The following MGST1 variants were observed in gnomAD, a reference collection of about 807,000 sequenced individuals.
MGST1 encodes microsomal glutathione S-transferase 1, also known as glutathione S-transferase 12.
A neutral mutation model predicts 8.9 loss-of-function variants in MGST1; 5 were observed. The observed-to-expected ratio is 0.56, with a 90% CI of 0.29 to 1.19. The LOEUF is 1.19. Ranked by LOEUF, MGST1 falls within the 50% of genes most tolerant of loss-of-function variation. MGST1 has a pLI of 0.08. For missense variants in MGST1, 182 were observed against 187.4 expected (o/e 0.97, Z 0.17); for synonymous variants, 54 against 67.8 (o/e 0.80, Z 1.00).
downstream of MGST1, among the ~76,000 whole-genome samples, chr12:16,441,559 G>T (rs529710195): frequency 6.6e-6 from 1 of 151,886 alleles, no homozygotes; most frequent in Non-Finnish European, 1.5e-5. Context: ...GTTTTTCCAG[G>T]ATGTTATATA....
intron 4 of MGST1, among the ~76,000 whole-genome samples, chr12:16,512,202 C>T (rs1009360106): frequency 2.0e-5 from 3 of 152,026 alleles, no homozygotes; most frequent in Non-Finnish European, 2.9e-5. Context: ...GACATATACA[C>T]TGAGAGCACA....
Position 16,400,912 on chromosome 12 carries a change from T to C in MGST1, n.778+17308T>C, listed in dbSNP as rs16911917. 1,976 of 1,259,018 alleles carry C rather than the reference T, an allele frequency of 1.6e-3. 27 individuals carry two copies. In the East Asian group the frequency reaches 0.036, roughly 23 times the overall value. The allele number at this position is 1,259,018 out of a possible 1,614,324, so 78.0% of individuals were successfully genotyped here. On this transcript the variant is annotated intron_variant and non_coding_transcript_variant, in intron 1 of 1. Transcript: ENST00000359720. ...TATAGGACACATTAGATTTGTGAGC[T>C]TTCTGAATCTCCTGTTCTCCCTTTT...
chr12:16,585,735 A>ATGGG lies in MGST1; in HGVS notation n.483-3790_483-3787dup, dbSNP rs1943298361. ...CAAATATAATAATAGAAAGGAAAATATGGGTGAGAAATTACAAAAGGCTGG... is the reference window on the plus strand; with the variant it reads ...CAAATATAATAATAGAAAGGAAAATATGGGTGGGTGAGAAATTACAAAAGGCTGG... On this transcript the variant is annotated intron_variant and non_coding_transcript_variant, in intron 4 of 4. Transcript: ENST00000538857. The surrounding 1 kb of genome is among the most constrained non-coding windows in gnomAD (Gnocchi z 4.7). Among the ~76,000 whole-genome samples, 1 of 152,228 alleles carries ATGGG rather than the reference A, an allele frequency of 6.6e-6. No homozygotes were observed. Among genetic ancestry groups the ATGGG allele is most frequent in the African/African-American group, 2.4e-5 (1 of 41,462 alleles).
chr12:16,348,115 G>A (rs1390251951), intron 1 of MGST1, among the ~76,000 whole-genome samples: 2 of 152,174 alleles, frequency 1.3e-5, no homozygotes, highest in Non-Finnish European at 2.9e-5. Flanking sequence ...AAAAGCCTGC[G>A]ATGTCTCAGG....
intron 4 of MGST1, among the ~76,000 whole-genome samples, chr12:16,528,150 T>G (rs1319982157): frequency 6.6e-6 from 1 of 152,098 alleles, no homozygotes; most frequent in South Asian, 2.1e-4. Flanking sequence ...TTCCAAATCG[T>G]TTTGGCTTGT....
At chr12:16,359,697 C>A (rs1939899451) in intron 3 of MGST1, among the ~76,000 whole-genome samples, 1 of 152,184 alleles carries the variant, frequency 6.6e-6, no homozygotes, top group Non-Finnish European at 1.5e-5. Context: ...CCTTTATGCA[C>A]TTCCCCTTTT....
intron 4 of MGST1, among the ~76,000 whole-genome samples, chr12:16,528,388 A>C: frequency 6.6e-6 from 1 of 152,024 alleles, no homozygotes; most frequent in East Asian, 1.9e-4. Context: ...TGAATATAAA[A>C]GTAAACATTG....
intron 1 of MGST1, among the ~76,000 whole-genome samples, chr12:16,406,529 CAAT>C (rs1360941355): frequency 6.6e-6 from 1 of 152,116 alleles, no homozygotes; most frequent in African/African-American, 2.4e-5. Context: ...ATCAAACTAT[CAAT>C]AATATTTTTT....
At chr12:16,539,142 C>T (rs1821558041) in intron 4 of MGST1, among the ~76,000 whole-genome samples, 1 of 152,160 alleles carries the variant, frequency 6.6e-6, no homozygotes, top group Non-Finnish European at 1.5e-5. Flanking sequence ...CAAACCATAT[C>T]AGACAACTTT....
chr12:16,580,949 A>G (rs2137534641), intron 4 of MGST1, among the ~76,000 whole-genome samples: 1 of 152,332 alleles, frequency 6.6e-6, no homozygotes, highest in East Asian at 1.9e-4. Flanking sequence ...TATATACAAC[A>G]CAGACATTCA....
At chr12:16,499,290 G>T (rs1204173907) in intron 4 of MGST1, among the ~76,000 whole-genome samples, 1 of 152,186 alleles carries the variant, frequency 6.6e-6, no homozygotes, top group Non-Finnish European at 1.5e-5. Context: ...AGGATGAAGT[G>T]ACAGGTATTC....
chr12:16,492,293 A>G (rs1380907164), intron 4 of MGST1, among the ~76,000 whole-genome samples: 2 of 152,186 alleles, frequency 1.3e-5, no homozygotes, highest in East Asian at 3.8e-4. Flanking sequence ...GTAGCATTAA[A>G]GTCACCATGT....
At chr12:16,408,630 T>C (rs1475066430) in intron 1 of MGST1, among the ~76,000 whole-genome samples, 3 of 152,196 alleles carry the variant, frequency 2.0e-5, no homozygotes, top group Admixed American at 6.5e-5. Flanking sequence ...GAAATTTTTA[T>C]CCTATTTTAC....
intron 4 of MGST1, among the ~76,000 whole-genome samples, chr12:16,507,750 C>T (rs911186732): frequency 6.6e-5 from 10 of 151,892 alleles, no homozygotes; most frequent in Non-Finnish European, 1.3e-4. Context: ...AACCAGATCT[C>T]GTGAGAACTC....
chr12:16,479,526 G>T (rs990317801), intron 4 of MGST1, among the ~76,000 whole-genome samples: 1 of 129,234 alleles, frequency 7.7e-6, no homozygotes, highest in African/African-American at 3.3e-5. Flanking sequence ...GAGCCACTGC[G>T]CCCGGCCTCT....
chr12:16,400,828 A>G, intron 1 of MGST1: 1 of 1,219,126 alleles, frequency 8.2e-7, no homozygotes, highest in African/African-American at 1.5e-5. Context: ...CATATTTCTT[A>G]TCGATGTAGA....
At chr12:16,591,028 C>T (rs1050768693), downstream of MGST1, among the ~76,000 whole-genome samples, 1 of 152,036 alleles carries the variant, frequency 6.6e-6, no homozygotes, top group African/African-American at 2.4e-5. This position sits in a 1 kb window ranked among gnomAD's most constrained non-coding sequence, Gnocchi z 4.1. Flanking sequence ...ATTGATTTCA[C>T]AACTGCCTCA....
At chr12:16,496,340 A>G (rs1300092817) in intron 4 of MGST1, among the ~76,000 whole-genome samples, 1 of 152,138 alleles carries the variant, frequency 6.6e-6, no homozygotes, top group Non-Finnish European at 1.5e-5. Flanking sequence ...TAGTGGAGCC[A>G]GATAGGTGAA....
chr12:16,402,554 T>C lies in MGST1; in HGVS notation n.778+18950T>C, dbSNP rs183819060. ...AATAAGCTACTAACACTTCTTATGC[T>C]ACCATAAATTGTATAGTACCATTTT... On this transcript the variant is annotated intron_variant and non_coding_transcript_variant, in intron 1 of 1. Coordinates refer to the MGST1 transcript ENST00000359720. 939 of 765,972 alleles carry C rather than the reference T, an allele frequency of 1.2e-3. 7 individuals are homozygous for C. The African/African-American group carries it at 0.015, about 12-fold the overall frequency. The allele number at this position is 765,972 out of a possible 1,614,324, so 47.4% of individuals were successfully genotyped here.
Sources: allele counts gnomAD v4.1 joint callset (sites outside exome capture counted in the v4.1 genomes callset), GRCh38; gene constraint gnomAD v4.1.1; non-coding constraint Gnocchi (gnomAD v3.1); transcripts MANE v1.5; gene names NCBI Gene and HGNC (gene_info 2026-07-23, HGNC 2026-07-21).